TMCO6: variants seen among roughly 807,000 people sequenced by gnomAD.
TMCO6 encodes transmembrane and coiled-coil domains 6.
In TMCO6, 47 loss-of-function variants were observed where a neutral mutation model predicts 61.8. That is an observed-to-expected ratio of 0.76 (90% CI 0.60 to 0.97). TMCO6 has a LOEUF of 0.97. TMCO6 is among the 50% of genes least tolerant of loss of function. The pLI is 0.00. For synonymous variants in TMCO6, 261 were observed against 254.2 expected (o/e 1.03, Z -0.25); for missense variants, 557 against 601.6 (o/e 0.93, Z 0.78).
chr5:140,635,335 T>C (rs577014119), upstream of TMCO6, among the ~76,000 whole-genome samples: 2 of 152,248 alleles, frequency 1.3e-5, no homozygotes, highest in Non-Finnish European at 2.9e-5. Flanking sequence ...TTATGAGACT[T>C]GGGCCTCCCT....
At chr5:140,611,466 G>A in the TMCO6 span, among the ~76,000 whole-genome samples, 1 of 152,188 alleles carries the variant, frequency 6.6e-6, no homozygotes, top group Non-Finnish European at 1.5e-5. Flanking sequence ...GAGCTGTCTT[G>A]TCTGTGTTTT....
At chr5:140,625,801 G>GAGGGAAGAACAAGAGGCAA in the TMCO6 span, among the ~76,000 whole-genome samples, 1 of 152,216 alleles carries the variant, frequency 6.6e-6, no homozygotes, top group Non-Finnish European at 1.5e-5. Context: ...ATTCCAGGCA[G>GAGGGAAGAACAAGAGGCAA]AGGGAAGAAC....
the TMCO6 span, chr5:140,632,965 A>T: frequency 6.2e-7 from 1 of 1,614,124 alleles, no homozygotes; most frequent in African/African-American, 1.3e-5. This position sits in a 1 kb window ranked among gnomAD's most constrained non-coding sequence, Gnocchi z 6.2. Flanking sequence ...AGCAGCAACA[A>T]GCAGGACGCG....
the TMCO6 span, among the ~76,000 whole-genome samples, chr5:140,619,414 G>T: frequency 6.6e-6 from 1 of 152,162 alleles, no homozygotes; most frequent in South Asian, 2.1e-4. Context: ...AAGGTGGGGG[G>T]AAAGTCTCTT....
chr5:140,632,926 T>TCGCA, the TMCO6 span: 1 of 1,614,090 alleles, frequency 6.2e-7, no homozygotes, highest in Non-Finnish European at 8.5e-7. The surrounding 1 kb of genome is among the most constrained non-coding windows in gnomAD (Gnocchi z 6.2). Context: ...TCTGGCGTGG[T>TCGCA]CGCAGAGACG....
chr5:140,633,064 C>G, the TMCO6 span: 12 of 1,614,198 alleles, frequency 7.4e-6, no homozygotes, highest in Non-Finnish European at 1.0e-5. Context: ...AGACCCTACA[C>G]TCACCATGGT....
the TMCO6 span, among the ~76,000 whole-genome samples, chr5:140,604,516 A>G: frequency 2.0e-5 from 3 of 151,396 alleles, no homozygotes; most frequent in Non-Finnish European, 4.4e-5. Flanking sequence ...TCTCCTATTC[A>G]AAGGCTGTCT....
chr5:140,613,961 C>T, the TMCO6 span, among the ~76,000 whole-genome samples: 22 of 151,536 alleles, frequency 1.5e-4, no homozygotes, highest in Non-Finnish European at 2.1e-4. Flanking sequence ...TGCAGTGGTG[C>T]GGTCTCGGCT....
At chr5:140,609,395 A>G in the TMCO6 span, 1 of 248,452 alleles carries the variant, frequency 4.0e-6, no homozygotes, top group South Asian at 4.6e-5. Context: ...AGCTGCCCAC[A>G]AGGAATGAGC....
chr5:140,598,469 G>T, the TMCO6 span, among the ~76,000 whole-genome samples: 8 of 152,334 alleles, frequency 5.3e-5, no homozygotes, highest in South Asian at 1.5e-3. Context: ...TCTGTTTGAT[G>T]TGATATCTCT....
chr5:140,647,309 G>A, downstream of TMCO6: 2 of 1,591,312 alleles, frequency 1.3e-6, no homozygotes, highest in South Asian at 1.1e-5. Context: ...GATTAGGATG[G>A]GTAGGTCGGG....
the TMCO6 span, among the ~76,000 whole-genome samples, chr5:140,606,917 G>A: frequency 1.3e-5 from 2 of 151,578 alleles, no homozygotes; most frequent in Non-Finnish European, 2.9e-5. Flanking sequence ...ATGTTGATGA[G>A]CTTGACTCTG....
chr5:140,605,477 C>T, the TMCO6 span, among the ~76,000 whole-genome samples: 19 of 151,976 alleles, frequency 1.3e-4, no homozygotes, highest in Admixed American at 8.5e-4. Context: ...GTCAGGAGTT[C>T]GAGACCAGCC....
chr5:140,624,124 T>C, the TMCO6 span, among the ~76,000 whole-genome samples: 1 of 152,058 alleles, frequency 6.6e-6, no homozygotes, highest in Admixed American at 6.6e-5. Flanking sequence ...CCCAGCACTG[T>C]GGGAGGCTGA....
At chr5:140,636,054 A>G (rs183436633), upstream of TMCO6, among the ~76,000 whole-genome samples, 2 of 152,268 alleles carry the variant, frequency 1.3e-5, no homozygotes, top group African/African-American at 4.8e-5. Context: ...GCTGGAGTGC[A>G]ATGATGCAAT....
At chr5:140,607,175 C>T in the TMCO6 span, among the ~76,000 whole-genome samples, 2 of 152,100 alleles carry the variant, frequency 1.3e-5, no homozygotes, top group Admixed American at 6.6e-5. Context: ...AAACTCTGTA[C>T]CCATTATGCA....
the TMCO6 span, chr5:140,632,841 G>T: frequency 1.2e-6 from 2 of 1,614,078 alleles, no homozygotes; most frequent in South Asian, 1.1e-5. This position sits in a 1 kb window ranked among gnomAD's most constrained non-coding sequence, Gnocchi z 6.2. Context: ...ACACTGGAAG[G>T]CTTCGGACCA....
the TMCO6 span, chr5:140,633,035 T>C: frequency 1.1e-5 from 18 of 1,613,854 alleles, no homozygotes; most frequent in African/African-American, 2.4e-4. Context: ...GGCTCCCGAG[T>C]GGCACGCGTT....
chr5:140,609,871 TTTTTTTC>T, the TMCO6 span, among the ~76,000 whole-genome samples: 1 of 152,034 alleles, frequency 6.6e-6, no homozygotes, highest in African/African-American at 2.4e-5. Context: ...GCAAGTGGAA[TTTTTTTC>T]TTTTTTCTTT....
Sources: allele counts gnomAD v4.1 joint callset (sites outside exome capture counted in the v4.1 genomes callset), GRCh38; gene constraint gnomAD v4.1.1; non-coding constraint Gnocchi (gnomAD v3.1); transcripts MANE v1.5; gene names NCBI Gene and HGNC (gene_info 2026-07-23, HGNC 2026-07-21).